The following LSS variants were observed in gnomAD, a reference collection of about 807,000 sequenced individuals.
LSS encodes the protein 2,3-epoxysqualene-lanosterol cyclase.
LSS carries 90 observed loss-of-function variants against 110.3 expected under a neutral mutation model. That is an observed-to-expected ratio of 0.82 (90% CI 0.69 to 0.97). The LOEUF is 0.97. Among genes scored for constraint, LSS ranks in the 50% least tolerant of loss-of-function variants. LSS has a pLI of 0.00. For missense variants in LSS, 927 were observed against 990.0 expected (o/e 0.94, Z 0.85); for synonymous variants, 433 against 400.0 (o/e 1.08, Z -0.98).
rs1182239576 is a variant in LSS at position 46,189,752 on chromosome 21, G to C, written c.*1352C>G. 1 of 457,324 alleles carries C rather than the reference G, an allele frequency of 2.2e-6. No individual in the cohort carries two copies. Among genetic ancestry groups the C allele is most frequent in the South Asian group, 1.5e-5 (1 of 64,544 alleles). 28.3% of individuals were successfully genotyped at this position (457,324 alleles called of 1,614,324 possible). A position where few individuals can be genotyped will look rare whatever the true frequency, so the allele number is the denominator to read the frequency against. ...CCTGCCCAGAAGGCGGCAGGGAGGG[G>C]AAGAGCAGATAAGGAGGTATAGGGT... On this transcript the variant is annotated 3_prime_UTR_variant, in exon 22 of 22. Coordinates refer to ENST00000397728, the MANE Select transcript of LSS (RefSeq NM_002340.6).
intron 5 of LSS, 144 bp from the exon 6 acceptor site, chr21:46,219,716 C>A (rs1030481601): frequency 2.2e-5 from 11 of 509,500 alleles, no homozygotes; most frequent in Non-Finnish European, 3.1e-5. Context: ...TCTTGCGACC[C>A]CCATGTGCGA....
At chr21:46,222,221 G>A in intron 4 of LSS, 2 of 560,632 alleles carry the variant, frequency 3.6e-6, no homozygotes, top group Non-Finnish European at 6.4e-6. Context: ...TCCCACGCCT[G>A]AGTCAACACT....
At chr21:46,226,378 TA>T (rs567433905) in intron 3 of LSS, among the ~76,000 whole-genome samples, 130 of 152,308 alleles carry the variant, frequency 8.5e-4, no homozygotes, top group African/African-American at 2.9e-3. Context: ...GTCATTGCCT[TA>T]CCACGAGCCC....
chr21:46,217,644 G>A (rs2080223948), intron 6 of LSS, among the ~76,000 whole-genome samples: 1 of 152,088 alleles, frequency 6.6e-6, no homozygotes, highest in East Asian at 1.9e-4. Context: ...CACCCTCCAA[G>A]CAACTCCAGC....
chr21:46,222,282 G>T (rs2080288595), intron 4 of LSS: 3 of 528,228 alleles, frequency 5.7e-6, no homozygotes, highest in Non-Finnish European at 1.0e-5. Context: ...CCCAAAGTGT[G>T]TGCCACATGG....
rs891353175 is a variant in LSS, at chr21:46,208,848, G to A, written c.1267-547C>T. 3.9e-5 allele frequency among the ~76,000 whole-genome samples: 6 copies of A among 152,222 alleles called. No individual in the cohort carries two copies. In the South Asian group the frequency reaches 1.0e-3, roughly 26 times the overall value. ...ATGCCCCTCCTCTGCTTGAGCCCAA[G>A]ATGGGTGCCAGCCTTGGCCACACAG... On this transcript the variant is annotated intron_variant, in intron 13 of 21. Transcript: ENST00000397728.
chr21:46,191,293 C>T, intron 21 of LSS, 58 bp from the exon 22 acceptor site: 1 of 1,597,572 alleles, frequency 6.3e-7, no homozygotes, highest in Non-Finnish European at 8.6e-7. Context: ...AGGGCTAGTC[C>T]CTGAACTGGA....
rs371443659 is a variant in LSS, at chr21:46,194,628, G to A, written c.1851C>T (p.Asp617=). 3.7e-6 allele frequency: 6 copies of A among 1,613,446 alleles called. No homozygotes were observed. The African/African-American group carries it at 8.0e-5, about 22-fold the overall frequency. The stretch of plus-strand genomic sequence containing the variant: ...CTGCCATCTGCCGGGACAGCAGGAA[G>A]TCACAGGCCCGGGAGACCTCTGCAC... The part of the protein sequence containing the change: ...TACAEVSRAC[D]FLLSRQMADG... The change falls in exon 20 of 22, where the codon GAC becomes GAT. Residue 617 remains aspartate (D), a synonymous_variant. Coordinates refer to ENST00000397728, the MANE Select transcript of LSS (RefSeq NM_002340.6).
chr21:46,191,378 G>A (rs899643740), intron 21 of LSS, 143 bp from the exon 22 acceptor site: 6 of 844,488 alleles, frequency 7.1e-6, no homozygotes, highest in Non-Finnish European at 9.5e-6. Flanking sequence ...GCATAGGAAA[G>A]CAAGTAGTCC....
Position 46,228,726 on chromosome 21 carries a change from A to G in LSS, c.14+6T>C. On this transcript the variant is annotated splice_donor_region_variant and intron_variant, in intron 1 of 21. Coordinates refer to ENST00000397728, the MANE Select transcript of LSS (RefSeq NM_002340.6). ...TTCGTCAGGAGCCCGGGGCGAGGGG[A>G]CTCACGTGCCCTCCGTCATTGCTGC... The G allele has an allele frequency of 3.8e-6, 6 of 1,599,854 alleles. No individual in the cohort carries two copies. Among genetic ancestry groups the G allele is most frequent in the Non-Finnish European group, 5.1e-6 (6 of 1,178,402 alleles).
Position 46,222,448 on chromosome 21 carries a change from C to T in LSS, c.428+182G>A, listed in dbSNP as rs1485294130. ...ATCCATTTAACAAAAGATGTGAAGCCGAGGCCCCACCTGCATGGCCTTCAG... is the reference window on the plus strand; with the variant it reads ...ATCCATTTAACAAAAGATGTGAAGCTGAGGCCCCACCTGCATGGCCTTCAG... On this transcript the variant is annotated intron_variant, in intron 4 of 21. Coordinates refer to ENST00000397728, the MANE Select transcript of LSS (RefSeq NM_002340.6). 13 of 588,522 alleles carry T rather than the reference C, an allele frequency of 2.2e-5. 1 individual carries two copies. Among genetic ancestry groups the T allele is most frequent in the South Asian group, 6.3e-5 (3 of 47,930 alleles). The allele number at this position is 588,522 out of a possible 1,614,324, so 36.5% of individuals were successfully genotyped here.
chr21:46,209,113 G>A lies in LSS; in HGVS notation c.1266+441C>T, dbSNP rs1326085474. ...AACTATGGGCTCGGGCAGGGTCTGT[G>A]GGCAGCTGATCTGGCAGGAGGGACC... On this transcript the variant is annotated intron_variant, in intron 13 of 21. Transcript: ENST00000397728. The surrounding 1 kb of genome is among the most constrained non-coding windows in gnomAD (Gnocchi z 4.4). 2.0e-5 allele frequency among the ~76,000 whole-genome samples: 3 copies of A among 152,142 alleles called. No homozygotes were observed. The highest frequency in any genetic ancestry group is 6.5e-5 in the Admixed American group (1 of 15,280).
At chr21:46,193,154 T>C (rs1459319701) in intron 20 of LSS, 4 of 446,454 alleles carry the variant, frequency 9.0e-6, no homozygotes, top group Non-Finnish European at 1.3e-5. Context: ...TAGACCTGTG[T>C]GTGCATCTGT....
At chr21:46,208,525 G>C (rs2080084881) in intron 13 of LSS, among the ~76,000 whole-genome samples, 1 of 152,210 alleles carries the variant, frequency 6.6e-6, no homozygotes, top group Admixed American at 6.5e-5. Context: ...GGCCAGCGAG[G>C]GCTCAAACCA....
At chr21:46,206,587 G>C in intron 16 of LSS, 85 bp downstream of exon 16, 1 of 1,185,376 alleles carries the variant, frequency 8.4e-7, no homozygotes, top group Non-Finnish European at 1.2e-6. Flanking sequence ...CCTCGGGCAA[G>C]GGGGAAAAGC....
chr21:46,195,802 G>A, intron 18 of LSS, 46 bp from the exon 19 acceptor site: 1 of 1,498,616 alleles, frequency 6.7e-7, no homozygotes, highest in Non-Finnish European at 9.3e-7. Flanking sequence ...CCTGTTCACA[G>A]CCGGTGTGTG....
intron 10 of LSS, 29 bp downstream of exon 10, chr21:46,213,709 C>T (rs756489011): frequency 4.4e-6 from 7 of 1,590,072 alleles, no homozygotes; most frequent in African/African-American, 1.3e-5. Flanking sequence ...TCGTGAGAGG[C>T]CCCGCCAGCA....
rs765284735 is a variant in LSS at position 46,227,628 on chromosome 21, C to T, written c.243G>A (p.Met81Ile). Residue 81 changes from methionine (M) to isoleucine (I), a missense_variant, in exon 3 of 22, where the codon ATG becomes ATA. Met to Ile is a conservative substitution (Grantham distance 10). Coordinates refer to ENST00000397728, the MANE Select transcript of LSS (RefSeq NM_002340.6). ...CAGCCTGCAGCCCCACGTAAAATGT[C>T]ATCCCGTTCAGAGCCCCCTCAAAGG... ...HTAFEGALNG[M>I]TFYVGLQAED... The T allele has an allele frequency of 6.2e-7, 1 of 1,613,880 alleles. No individual in the cohort carries two copies. Among genetic ancestry groups the T allele is most frequent in the Admixed American group, 1.7e-5 (1 of 60,020 alleles).
rs745734847 is a variant in LSS at position 46,219,476 on chromosome 21, C to T, written c.647G>A (p.Trp216Ter). 65 of 1,585,628 alleles carry T rather than the reference C, an allele frequency of 4.1e-5. No individual in the cohort carries two copies. The highest frequency in any genetic ancestry group is 5.3e-5 in the Non-Finnish European group (62 of 1,166,098). The change falls in exon 6 of 22, where the codon TGG becomes TAG. Residue 216 changes from tryptophan to a stop codon, truncating the protein, a stop_gained and splice_region_variant. Transcript: ENST00000397728. LOFTEE classifies it high-confidence loss of function. Reference protein sequence around the residue: ...EGLNTLFPEMWLFPDWAPAHP... With the variant: ...EGLNTLFPEM ...ACAACCCAATCAACAGCAGACATAC[C>T]ACATCTCTGGGAACAGGGTATTGAG...
Sources: gnomAD v4.1 joint callset for allele counts (sites outside exome capture counted in the v4.1 genomes callset) on GRCh38, gnomAD v4.1.1 for gene constraint, Gnocchi (gnomAD v3.1) non-coding constraint, MANE v1.5 for transcripts, NCBI Gene and HGNC (gene_info 2026-07-23, HGNC 2026-07-21) for gene names.